Variants in FBXW5 observed in about 807,000 individuals in gnomAD.
FBXW5 encodes F-box and WD repeat domain containing 5, also known as F-box/WD repeat-containing protein 5.
A neutral mutation model predicts 50.9 loss-of-function variants in FBXW5; 74 were observed. That is an observed-to-expected ratio of 1.45 (90% CI 1.20 to 1.76). The LOEUF (loss-of-function observed/expected upper bound fraction) is 1.76, where lower values mean the gene tolerates loss of function less well. Among genes scored for constraint, FBXW5 ranks in the 40% most tolerant of loss-of-function variants. FBXW5 has a pLI of 0.00. For synonymous variants in FBXW5, 523 were observed against 362.2 expected (o/e 1.44, Z -5.04); for missense variants, 1,073 against 818.8 (o/e 1.31, Z -3.79).
At chr9:136,942,732 G>A (rs371142063) in intron 4 of FBXW5, 37 bp from the exon 5 acceptor site, 1 of 1,611,172 alleles carries the variant, frequency 6.2e-7, no homozygotes, top group African/African-American at 1.3e-5. Context: ...CTGTCGGCGT[G>A]GGGCGGGGGC....
At position 136,944,109 on chromosome 9, in the gene FBXW5, G is replaced by A. The variant is rs1258897671; in HGVS notation, c.-23-3C>T. On this transcript the variant is annotated splice_region_variant and splice_polypyrimidine_tract_variant and intron_variant, in intron 1 of 8. Transcript: ENST00000325285. ...CGTGACATTCTGCCCAGGCGGCCCT[G>A]AAACCCACCAACGGCTGCCCTCAGC... 2 of 1,560,806 alleles carry A rather than the reference G, an allele frequency of 1.3e-6. No homozygotes were observed. Among genetic ancestry groups the A allele is most frequent in the African/African-American group, 2.7e-5 (2 of 73,396 alleles).
Position 136,942,872 on chromosome 9 carries a change from G to A in FBXW5, c.423C>T (p.Thr141=), listed in dbSNP as rs546424327. The part of the protein sequence containing the change: ...ADMRPYNWSY[T]QFSQFNKDDS... ...CGTCCTTGTTGAACTGGGAGAACTGGGTGTAGCTCCAGTTGTAGGGCCGCA... is the reference window on the plus strand; with the variant it reads ...CGTCCTTGTTGAACTGGGAGAACTGAGTGTAGCTCCAGTTGTAGGGCCGCA... Residue 141 remains threonine, a synonymous_variant, in exon 4 of 9, where the codon ACC becomes ACT. Coordinates refer to ENST00000325285, the MANE Select transcript of FBXW5 (RefSeq NM_018998.4). The A allele has an allele frequency of 9.3e-5, 150 of 1,613,570 alleles. 2 individuals carry two copies. In the South Asian group the frequency reaches 1.5e-3, roughly 16 times the overall value.
intron 3 of FBXW5, among the ~76,000 whole-genome samples, 193 bp downstream of exon 3, chr9:136,943,156 C>A (rs932337612): frequency 4.6e-5 from 7 of 152,146 alleles, no homozygotes; most frequent in African/African-American, 1.7e-4. Flanking sequence ...GGGACCCTCT[C>A]CTCAGCACTC....
At position 136,944,710 on chromosome 9, in the gene FBXW5, C is replaced by A. The variant is rs964407097; in HGVS notation, c.-140G>T. On this transcript the variant is annotated 5_prime_UTR_variant, in exon 1 of 9. Transcript: ENST00000325285. ...AACGGGGAGCCCGCCAGGCCCGACGCCACGAGCCCCGAGGCATCGATGGCC... is the reference window on the plus strand; with the variant it reads ...AACGGGGAGCCCGCCAGGCCCGACGACACGAGCCCCGAGGCATCGATGGCC... 2 of 985,648 alleles carry A rather than the reference C, an allele frequency of 2.0e-6. No individual in the cohort carries two copies. Among genetic ancestry groups the A allele is most frequent in the Non-Finnish European group, 2.4e-6 (2 of 829,910 alleles). The allele number at this position is 985,648 out of a possible 1,614,324, so 61.1% of individuals were successfully genotyped here.
Position 136,943,947 on chromosome 9 carries a change from C to CA in FBXW5, c.136dup (p.Trp46LeufsTer33). ...GTAGTAGCGGTAGAACTGCTCCCTC[C>CA]ACAGGAACTCGTCCCGCGACACGGC... On this transcript the variant is annotated frameshift_variant, in exon 2 of 9. Transcript: ENST00000325285. LOFTEE classifies it high-confidence loss of function. 6.4e-7 allele frequency: 1 copy of CA among 1,556,846 alleles called. No individual in the cohort carries two copies. Among genetic ancestry groups the CA allele is most frequent in the Non-Finnish European group, 8.7e-7 (1 of 1,151,136 alleles).
chr9:136,941,812 C>T (rs759783473), intron 6 of FBXW5, 128 bp from the exon 7 acceptor site: 51 of 1,445,100 alleles, frequency 3.5e-5, no homozygotes, highest in African/African-American at 1.6e-4. Flanking sequence ...CTGCCTGCTC[C>T]GGGGGCCCCA....
rs895121969 is a variant in FBXW5 at position 136,944,572 on chromosome 9, C to T, written c.-24+22G>A. On this transcript the variant is annotated intron_variant, in intron 1 of 8. Transcript: ENST00000325285. Reference sequence around the variant, plus strand: ...GGCGGGGACGACAAGGCGGGACCCCCGAGGGCCGCAGGCGCACTCACCACG... The same window carrying T: ...GGCGGGGACGACAAGGCGGGACCCCTGAGGGCCGCAGGCGCACTCACCACG... 298 of 983,868 alleles carry T rather than the reference C, an allele frequency of 3.0e-4. 1 individual carries two copies. In the African/African-American group the frequency reaches 4.6e-3, roughly 15 times the overall value. 60.9% of individuals were successfully genotyped at this position (983,868 alleles called of 1,614,324 possible). A position where few individuals can be genotyped will look rare whatever the true frequency, so the allele number is the denominator to read the frequency against.
rs963885823 is a variant in FBXW5 at position 136,940,658 on chromosome 9, T to G, written c.*270A>C. On this transcript the variant is annotated 3_prime_UTR_variant, in exon 9 of 9. Transcript: ENST00000325285. ...GGTCAGGTGTACCCCTAGCCTGGGGTTGAGTGAGGAGCGGCACCCCCAGTA... is the reference window on the plus strand; with the variant it reads ...GGTCAGGTGTACCCCTAGCCTGGGGGTGAGTGAGGAGCGGCACCCCCAGTA... 2 of 488,988 alleles carry G rather than the reference T, an allele frequency of 4.1e-6. No individual in the cohort carries two copies. Among genetic ancestry groups the G allele is most frequent in the East Asian group, 3.8e-5 (1 of 26,134 alleles). 30.3% of individuals were successfully genotyped at this position (488,988 alleles called of 1,614,324 possible).
intron 3 of FBXW5, 40 bp from the exon 4 acceptor site, chr9:136,942,983 T>G: frequency 6.2e-7 from 1 of 1,607,026 alleles, no homozygotes; most frequent in Non-Finnish European, 8.5e-7. Flanking sequence ...CCTGGCCAGG[T>G]CGCGGGGCGG....
At position 136,942,247 on chromosome 9, in the gene FBXW5, TGGCGTG is replaced by T. The variant is rs1362887898; in HGVS notation, c.889_894del (p.His297_Ala298del). 4 of 1,584,378 alleles carry T rather than the reference TGGCGTG, an allele frequency of 2.5e-6. No individual in the cohort carries two copies. The highest frequency in any genetic ancestry group is 2.3e-5 in the East Asian group (1 of 43,300). On this transcript the variant is annotated inframe_deletion, in exon 6 of 9. Transcript: ENST00000325285. ...TCCAGAAAGTGCCGCAAGCCCTCCT[TGGCGTG>T]GGCGGGGGCCGGGCCAGCCACCACC...
intron 6 of FBXW5, 32 bp downstream of exon 6, chr9:136,942,013 AC>A: frequency 6.4e-7 from 1 of 1,572,922 alleles, no homozygotes; most frequent in South Asian, 1.2e-5. Context: ...AGCTCCTAGG[AC>A]CGAGGCGGGC....
At position 136,943,912 on chromosome 9, in the gene FBXW5, G is replaced by A. The variant is rs1327494814; in HGVS notation, c.172C>T (p.Arg58Cys). The change falls in exon 2 of 9, where the codon CGC becomes TGC. Residue 58 changes from arginine to cysteine, a missense_variant. Arg to Cys is a radical substitution (Grantham distance 180). Coordinates refer to ENST00000325285, the MANE Select transcript of FBXW5 (RefSeq NM_018998.4). ...EQFYRYYQVA[R>C]DVPRHPAAMS... ...TGACCTGGGTGTCGGGGCACGTCGC[G>A]GGCCACCTGGTAGTAGCGGTAGAAC... The A allele has an allele frequency of 1.3e-6, 2 of 1,550,176 alleles. No individual in the cohort carries two copies. Among genetic ancestry groups the A allele is most frequent in the South Asian group, 1.2e-5 (1 of 84,098 alleles).
chr9:136,942,974 C>T (rs1453088526), intron 3 of FBXW5, 31 bp from the exon 4 acceptor site: 7 of 1,610,858 alleles, frequency 4.3e-6, no homozygotes, highest in Non-Finnish European at 5.9e-6. Flanking sequence ...TAGTGATCGC[C>T]TGGCCAGGTC....
chr9:136,943,275 G>A, intron 3 of FBXW5, 74 bp downstream of exon 3: 1 of 1,329,810 alleles, frequency 7.5e-7, no homozygotes, highest in Non-Finnish European at 1.0e-6. Context: ...CACCTGGTTG[G>A]AACGCCTGGG....
rs1196973759 is a variant in FBXW5 at position 136,942,799 on chromosome 9, A to C, written c.496T>G (p.Ser166Ala). 1.9e-6 allele frequency: 3 copies of C among 1,612,744 alleles called. No individual in the cohort carries two copies. Among genetic ancestry groups the C allele is most frequent in the Non-Finnish European group, 2.5e-6 (3 of 1,179,846 alleles). ...CTGATGACAGCAATCTCGCCGGATG[A>C]GGAGTTGTGCGGCCCCAGGAACACC... ...SGVFLGPHNS[S>A]SGEIAVISLD... Residue 166 changes from serine to alanine, a missense_variant, in exon 4 of 9, where the codon TCA becomes GCA. Ser to Ala is a moderately conservative substitution (Grantham distance 99). Transcript: ENST00000325285.
At position 136,944,728 on chromosome 9, in the gene FBXW5, C is replaced by T; in HGVS notation, c.-158G>A. 6 of 985,614 alleles carry T rather than the reference C, an allele frequency of 6.1e-6. No homozygotes were observed. The highest frequency in any genetic ancestry group is 4.6e-5 in the South Asian group (1 of 21,510). 61.1% of individuals were successfully genotyped at this position (985,614 alleles called of 1,614,324 possible). On this transcript the variant is annotated 5_prime_UTR_variant, in exon 1 of 9. Transcript: ENST00000325285. ...CCCGACGCCACGAGCCCCGAGGCAT[C>T]GATGGCCGAGGAAGGCAGAGCGCGC...
chr9:136,943,646 G>T, intron 2 of FBXW5, 140 bp from the exon 3 acceptor site: 2 of 1,238,296 alleles, frequency 1.6e-6, no homozygotes, highest in South Asian at 3.0e-5. Context: ...TCGGCTGGGG[G>T]ATTCAACCCT....
chr9:136,943,955 C>A lies in FBXW5; in HGVS notation c.129G>T (p.Glu43Asp). 6.4e-7 allele frequency: 1 copy of A among 1,560,336 alleles called. No individual in the cohort carries two copies. The highest frequency in any genetic ancestry group is 8.7e-7 in the Non-Finnish European group (1 of 1,153,322). ...GGTAGAACTGCTCCCTCCACAGGAA[C>A]TCGTCCCGCGACACGGCCTGCCATT... ...CRQWQAVSRD[E>D]FLWREQFYRY... Residue 43 changes from glutamate to aspartate, a missense_variant, in exon 2 of 9, where the codon GAG (glutamate) becomes GAT (aspartate). By Grantham distance (45) the Glu-to-Asp change is conservative. Coordinates refer to ENST00000325285, the MANE Select transcript of FBXW5 (RefSeq NM_018998.4).
rs2292926 is a variant in FBXW5 at position 136,942,619 on chromosome 9, G to A, written c.603C>T (p.Leu201=). Residue 201 remains leucine, a synonymous_variant, in exon 5 of 9, where the codon CTC becomes CTT. Coordinates refer to ENST00000325285, the MANE Select transcript of FBXW5 (RefSeq NM_018998.4). The stretch of plus-strand genomic sequence containing the variant: ...CGATGCGGTGCAGGTTCCCCGAGAT[G>A]AGGCTGGTCTCGGTGAGCCAACAGC... ...VFGCWLTETS[L]ISGNLHRIGD... 997 of 1,610,582 alleles carry A rather than the reference G, an allele frequency of 6.2e-4. 12 individuals carry two copies. The East Asian group carries it at 0.02, about 33-fold the overall frequency.
Sources: gnomAD v4.1 joint callset for allele counts (sites outside exome capture counted in the v4.1 genomes callset) on GRCh38, gnomAD v4.1.1 for gene constraint, MANE v1.5 for transcripts, NCBI Gene and HGNC (gene_info 2026-07-23, HGNC 2026-07-21) for gene names.